GSN: variants seen among roughly 807,000 people sequenced by gnomAD.
GSN encodes the protein actin-depolymerizing factor.
GSN carries 56 observed loss-of-function variants against 85.7 expected under a neutral mutation model. The ratio of observed to expected loss-of-function variants is 0.65; its 90% CI spans 0.53 to 0.82. GSN has a LOEUF of 0.82. Among genes scored for constraint, GSN ranks in the 40% least tolerant of loss-of-function variants. The probability of loss-of-function intolerance (pLI) is 0.00; values close to 1 mark genes in which losing one functional copy is unlikely to be tolerated. For missense variants in GSN, 857 were observed against 979.8 expected, an observed-to-expected ratio of 0.87 and a Z score of 1.67; for synonymous variants, 373 against 399.1, an observed-to-expected ratio of 0.93 and a Z score of 0.78.
At chr9:121,228,989 A>T (rs899174676) in intron 4 of GSN, among the ~76,000 whole-genome samples, 2 of 152,226 alleles carry the variant, frequency 1.3e-5, no homozygotes, top group African/African-American at 4.8e-5. Context: ...GCCGCTTTCT[A>T]CATAATCATG....
intron 2 of GSN, chr9:121,300,144 C>T (rs762654014): frequency 6.3e-7 from 1 of 1,578,492 alleles, no homozygotes; most frequent in South Asian, 1.1e-5. Context: ...TCTCTTGCTG[C>T]TTCCGGGGCT....
intron 6 of GSN, among the ~76,000 whole-genome samples, chr9:121,256,418 A>C (rs954167690): frequency 6.6e-6 from 1 of 152,228 alleles, no homozygotes; most frequent in African/African-American, 2.4e-5. Flanking sequence ...TAAGTGAAAT[A>C]AGCCAGGCAC....
upstream of GSN, among the ~76,000 whole-genome samples, chr9:121,203,754 A>G (rs1162995614): frequency 1.3e-5 from 2 of 152,258 alleles, no homozygotes; most frequent in African/African-American, 4.8e-5. Context: ...CTTTTCTGCA[A>G]TATGAAAATA....
chr9:121,306,506 T>TACATATC (rs1554809376), intron 4 of GSN, among the ~76,000 whole-genome samples: 3 of 151,596 alleles, frequency 2.0e-5, no homozygotes, highest in Non-Finnish European at 4.4e-5. Context: ...CCCTTGGAGA[T>TACATATC]ATATAGTGGC....
chr9:121,286,519 C>CATT, intron 2 of GSN: 1 of 1,271,732 alleles, frequency 7.9e-7, no homozygotes, highest in Non-Finnish European at 1.1e-6. Context: ...AGGGAAACTC[C>CATT]ATTTATCCTC....
intron 5 of GSN, among the ~76,000 whole-genome samples, chr9:121,243,242 T>C (rs567393755): frequency 6.6e-6 from 1 of 152,336 alleles, no homozygotes; most frequent in South Asian, 2.1e-4. Flanking sequence ...CCACGTAGCA[T>C]CTTCGGATCT....
rs1157411909 is a variant in GSN at position 121,318,086 on chromosome 9, C to G, written c.887-320C>G. Among the ~76,000 whole-genome samples the G allele has an allele frequency of 6.6e-6, 1 of 152,200 alleles. No individual in the cohort carries two copies. Among genetic ancestry groups the G allele is most frequent in the Non-Finnish European group, 1.5e-5 (1 of 68,036 alleles). ...TAAGACCCTAGCTTCCTTATAGATA[C>G]TCAGAAAAAGATAACAACTTTTTTT... On this transcript the variant is annotated intron_variant, in intron 8 of 17. Coordinates refer to ENST00000432226, the MANE Select transcript of GSN (RefSeq NM_198252.3). The surrounding 1 kb of genome is among the most constrained non-coding windows in gnomAD (Gnocchi z 4.3).
At chr9:121,311,609 C>A (rs1355174816) in intron 5 of GSN, 4 of 152,802 alleles carry the variant, frequency 2.6e-5, no homozygotes, top group African/African-American at 9.7e-5. Flanking sequence ...CCTTTTGCCC[C>A]TTTCGGTGCC....
chr9:121,295,689 T>C (rs959809010), intron 2 of GSN, among the ~76,000 whole-genome samples: 1 of 152,048 alleles, frequency 6.6e-6, no homozygotes, highest in Admixed American at 6.5e-5. Flanking sequence ...CTGGGTCAAC[T>C]ACAGGGGAGG....
intron 4 of GSN, among the ~76,000 whole-genome samples, chr9:121,226,609 A>G (rs2054276038): frequency 6.6e-6 from 1 of 152,254 alleles, no homozygotes; most frequent in African/African-American, 2.4e-5. Context: ...AGTCCCTGGC[A>G]CAGAGCTCCT....
intron 2 of GSN, among the ~76,000 whole-genome samples, chr9:121,301,600 T>C (rs1395660010): frequency 7.5e-6 from 1 of 132,472 alleles, no homozygotes; most frequent in Non-Finnish European, 1.5e-5. Context: ...CACTCCAGAC[T>C]GGACAACAGT....
At chr9:121,281,782 G>A (rs1247386060) in intron 2 of GSN, 7 of 471,176 alleles carry the variant, frequency 1.5e-5, no homozygotes, top group Admixed American at 1.2e-4. Context: ...GGAGGAGGCC[G>A]GGACTGGGCT....
At chr9:121,244,686 C>A (rs764250597) in intron 5 of GSN, among the ~76,000 whole-genome samples, 10 of 152,120 alleles carry the variant, frequency 6.6e-5, no homozygotes, top group South Asian at 2.1e-4. Flanking sequence ...AAATTTTAAT[C>A]GATGGAAAAC....
chr9:121,310,005 GAA>G (rs1397490700), intron 4 of GSN: 2 of 151,744 alleles, frequency 1.3e-5, no homozygotes, highest in Non-Finnish European at 2.9e-5. Flanking sequence ...GAGAGAGAGA[GAA>G]AGAGAGAAAG....
At chr9:121,274,305 C>T (rs995117919) in intron 1 of GSN, among the ~76,000 whole-genome samples, 3 of 152,114 alleles carry the variant, frequency 2.0e-5, no homozygotes, top group Admixed American at 6.5e-5. Context: ...TCATCACTCA[C>T]TATTATTCTA....
intron 1 of GSN, among the ~76,000 whole-genome samples, chr9:121,271,371 CA>C (rs1258048430): frequency 6.6e-6 from 1 of 152,002 alleles, no homozygotes; most frequent in African/African-American, 2.4e-5. Flanking sequence ...AAAGAAAAGA[CA>C]AAAAAAGCTA....
intron 6 of GSN, 111 bp downstream of exon 6, chr9:121,312,599 T>G: frequency 1.3e-6 from 1 of 785,298 alleles, no homozygotes; most frequent in Non-Finnish European, 1.9e-6. Context: ...ACTTCCGCTC[T>G]ACCCCACCTT....
chr9:121,328,696 C>T (rs1026647665), intron 14 of GSN, among the ~76,000 whole-genome samples, 195 bp from the exon 15 acceptor site: 4 of 152,224 alleles, frequency 2.6e-5, no homozygotes, highest in African/African-American at 9.6e-5. Context: ...CCAAGTCTGC[C>T]CTCTCTGGGC....
intron 12 of GSN, among the ~76,000 whole-genome samples, chr9:121,325,723 C>T (rs1051281077): frequency 3.3e-5 from 5 of 152,086 alleles, no homozygotes; most frequent in African/African-American, 1.2e-4. Flanking sequence ...CTATGATAGA[C>T]TGGGTGCTGG....
Sources: gnomAD v4.1 joint callset for allele counts (sites outside exome capture counted in the v4.1 genomes callset) on GRCh38, gnomAD v4.1.1 for gene constraint, Gnocchi (gnomAD v3.1) non-coding constraint, MANE v1.5 for transcripts, NCBI Gene and HGNC (gene_info 2026-07-23, HGNC 2026-07-21) for gene names.